Variants in NRXN3 observed in about 807,000 individuals in gnomAD.
The protein encoded by NRXN3 is neurexin III.
In NRXN3, 32 loss-of-function variants were observed where a neutral mutation model predicts 137.6. That is an observed-to-expected ratio of 0.23 (90% confidence interval 0.18 to 0.31). The LOEUF is 0.31. NRXN3 is among the 10% of genes least tolerant of loss of function. The pLI is 1.00. For missense variants in NRXN3, 1,574 were observed against 2,062.5 expected (o/e 0.76, Z 4.59); for synonymous variants, 798 against 784.5 (o/e 1.02, Z -0.29).
In NRXN3 at chr14:78,737,332, A is replaced by G. The variant is rs77759238; in HGVS notation, c.2044+22193A>G. 0.018 allele frequency among the ~76,000 whole-genome samples: 2,702 copies of G among 152,234 alleles called. 115 individuals are homozygous for G. In the East Asian group the frequency reaches 0.21, roughly 12 times the overall value. On this transcript the variant is annotated intron_variant, in intron 8 of 20. Transcript: ENST00000335750. The stretch of plus-strand genomic sequence containing the variant: ...CAAAGGTACCAGTAGGGGTCCAAAC[A>G]CAGTTCCCAAGTGCACTATAGGAAA...
At chr14:79,006,651 C>T (rs143545578) in intron 15 of NRXN3, among the ~76,000 whole-genome samples, 1,677 of 151,818 alleles carry the variant, frequency 0.011, 13 homozygotes, top group Non-Finnish European at 0.017. Flanking sequence ...TTCTATTATC[C>T]AGACAGCACA....
intron 20 of NRXN3, among the ~76,000 whole-genome samples, chr14:79,827,691 CT>C (rs71103825): frequency 1.9e-3 from 251 of 129,514 alleles, no homozygotes; most frequent in Middle Eastern, 8.4e-3. Context: ...ATGCCACAAA[CT>C]TTTTTTTTTT....
chr14:79,057,250 A>T (rs773317026), intron 15 of NRXN3, among the ~76,000 whole-genome samples: 1 of 152,268 alleles, frequency 6.6e-6, no homozygotes, highest in African/African-American at 2.4e-5. Flanking sequence ...GATAAGAAAG[A>T]TGATGTTAAT....
intron 15 of NRXN3, among the ~76,000 whole-genome samples, chr14:79,059,194 G>A (rs944008684): frequency 1.3e-5 from 2 of 149,590 alleles, no homozygotes; most frequent in African/African-American, 4.9e-5. Flanking sequence ...ATCACCAGCA[G>A]ATCAAAACAA....
In NRXN3 at chr14:78,800,746, G is replaced by A. The variant is rs75241185; in HGVS notation, c.2045-2874G>A. On this transcript the variant is annotated intron_variant, in intron 8 of 20. Transcript: ENST00000335750. ...AGACTATTTTGGGACCCTTCAATGT[G>A]GTCTGCCTGACTCTTGTTTCTCCCT... Among the ~76,000 whole-genome samples, 369 of 152,222 alleles carry A rather than the reference G, an allele frequency of 2.4e-3. 2 individuals carry two copies. The highest frequency in any genetic ancestry group is 8.2e-3 in the African/African-American group (340 of 41,540).
intron 10 of NRXN3, among the ~76,000 whole-genome samples, chr14:78,905,041 T>C (rs2099211040): frequency 6.6e-6 from 1 of 152,070 alleles, no homozygotes; most frequent in Non-Finnish European, 1.5e-5. Flanking sequence ...TATCCTTTTG[T>C]AGTGCCTTTC....
At chr14:79,705,369 C>G (rs1447862176) in intron 19 of NRXN3, among the ~76,000 whole-genome samples, 1 of 152,148 alleles carries the variant, frequency 6.6e-6, no homozygotes, top group Non-Finnish European at 1.5e-5. Context: ...TCCAATCACA[C>G]AGGTCTTCTT....
At chr14:79,644,151 C>T (rs2098444235) in intron 16 of NRXN3, among the ~76,000 whole-genome samples, 1 of 125,254 alleles carries the variant, frequency 8.0e-6, no homozygotes, top group Non-Finnish European at 1.9e-5. Flanking sequence ...TTTTATAAAC[C>T]AAATTCACCC....
chr14:79,388,870 C>G (rs569687620), intron 15 of NRXN3, among the ~76,000 whole-genome samples: 3 of 152,238 alleles, frequency 2.0e-5, no homozygotes, highest in South Asian at 2.1e-4. Flanking sequence ...AATTCATGTT[C>G]TGTTGTCATG....
At chr14:79,263,621 T>C (rs896851948) in intron 15 of NRXN3, among the ~76,000 whole-genome samples, 4 of 152,152 alleles carry the variant, frequency 2.6e-5, no homozygotes, top group Non-Finnish European at 4.4e-5. Context: ...AATAAATGGC[T>C]CTTAATGAAA....
intron 4 of NRXN3, among the ~76,000 whole-genome samples, chr14:78,493,427 G>T (rs1022561514): frequency 6.6e-6 from 1 of 151,822 alleles, no homozygotes; most frequent in Non-Finnish European, 1.5e-5. Flanking sequence ...GGAGGCTGAG[G>T]CAGGAGAATC....
chr14:79,382,540 T>C (rs952775935), intron 15 of NRXN3, among the ~76,000 whole-genome samples: 1 of 152,154 alleles, frequency 6.6e-6, no homozygotes, highest in African/African-American at 2.4e-5. Flanking sequence ...TTCTCCCCAA[T>C]CTGGGGCCCC....
intron 19 of NRXN3, among the ~76,000 whole-genome samples, chr14:79,770,128 T>A (rs9743706): frequency 0.33 from 49,333 of 150,984 alleles, 8,549 homozygotes; most frequent in Middle Eastern, 0.43. Flanking sequence ...ATAAAGCAAG[T>A]CCTGAGTGAC....
chr14:78,783,676 A>T (rs959260185), intron 8 of NRXN3, among the ~76,000 whole-genome samples: 4 of 152,208 alleles, frequency 2.6e-5, no homozygotes, highest in Non-Finnish European at 5.9e-5. Flanking sequence ...GAAATAAAAA[A>T]GTTTAAAACA....
At chr14:79,052,851 C>T (rs2099643960) in intron 15 of NRXN3, among the ~76,000 whole-genome samples, 1 of 152,134 alleles carries the variant, frequency 6.6e-6, no homozygotes, top group South Asian at 2.1e-4. Flanking sequence ...TGCAATGGCT[C>T]TCATACCCTG....
At chr14:78,922,264 C>T (rs1268675276) in intron 10 of NRXN3, among the ~76,000 whole-genome samples, 4 of 152,116 alleles carry the variant, frequency 2.6e-5, no homozygotes, top group African/African-American at 9.7e-5. Flanking sequence ...CCAACTGGAC[C>T]GAGCTTGTGA....
At chr14:78,258,704 C>A (rs1282913205) in intron 2 of NRXN3, among the ~76,000 whole-genome samples, 1 of 151,630 alleles carries the variant, frequency 6.6e-6, no homozygotes, top group African/African-American at 2.4e-5. Context: ...AAAGAGTGTA[C>A]CTTCTTAACC....
chr14:78,560,744 G>A (rs999576421), intron 4 of NRXN3, among the ~76,000 whole-genome samples: 2 of 152,166 alleles, frequency 1.3e-5, no homozygotes, highest in African/African-American at 4.8e-5. Flanking sequence ...CTGGAACCTG[G>A]GGGAAAAGAG....
chr14:79,282,061 GT>G (rs1435915349), intron 15 of NRXN3, among the ~76,000 whole-genome samples: 1 of 152,040 alleles, frequency 6.6e-6, no homozygotes, highest in African/African-American at 2.4e-5. Flanking sequence ...TCTTGATCTG[GT>G]GGCTCTTTTC....
Sources: allele counts gnomAD v4.1 joint callset (sites outside exome capture counted in the v4.1 genomes callset), GRCh38; gene constraint gnomAD v4.1.1; transcripts MANE v1.5; gene names NCBI Gene and HGNC (gene_info 2026-07-23, HGNC 2026-07-21).